ATP13A4: variants seen among roughly 807,000 people sequenced by gnomAD.
ATP13A4 encodes the protein probable cation-transporting ATPase 13A4.
ATP13A4 carries 114 observed loss-of-function variants against 142.5 expected under a neutral mutation model. That is an observed-to-expected ratio of 0.80 (90% CI 0.69 to 0.93). ATP13A4 has a LOEUF of 0.93. Ranked by LOEUF, ATP13A4 falls within the 40% of genes least tolerant of loss-of-function variation. The pLI is 0.00. For synonymous variants in ATP13A4, 488 were observed against 514.8 expected (o/e 0.95, Z 0.70); for missense variants, 1,392 against 1,454.0 (o/e 0.96, Z 0.69).
intron 25 of ATP13A4, among the ~76,000 whole-genome samples, chr3:193,429,876 G>A (rs1452414741): frequency 6.6e-6 from 1 of 151,890 alleles, no homozygotes; most frequent in Non-Finnish European, 1.5e-5. Context: ...AAAAAGACTG[G>A]ACAGAAATAC....
rs1458604097 is a variant in ATP13A4 at position 193,399,878 on chromosome 3, A to G, written c.*2774T>C. Among the ~76,000 whole-genome samples the G allele has an allele frequency of 6.6e-6, 1 of 150,564 alleles. No individual in the cohort carries two copies. Among genetic ancestry groups the G allele is most frequent in the Admixed American group, 6.6e-5 (1 of 15,118 alleles). On this transcript the variant is annotated 3_prime_UTR_variant, in exon 30 of 30. Coordinates refer to ENST00000342695, the MANE Select transcript of ATP13A4 (RefSeq NM_032279.4). ...AAAAAAAAAAAAAAAGGTTCACATCACAGCATAAGACTGAGACACTGGGTG... is the reference window on the plus strand; with the variant it reads ...AAAAAAAAAAAAAAAGGTTCACATCGCAGCATAAGACTGAGACACTGGGTG...
intron 12 of ATP13A4, among the ~76,000 whole-genome samples, chr3:193,463,726 C>T (rs1196300953): frequency 6.6e-6 from 1 of 152,126 alleles, no homozygotes; most frequent in Non-Finnish European, 1.5e-5. Context: ...TCTCCCACTC[C>T]TGTTTCTTTT....
At chr3:193,458,859 C>G (rs1319511764) in intron 14 of ATP13A4, 1 of 636,550 alleles carries the variant, frequency 1.6e-6, no homozygotes, top group Non-Finnish European at 2.8e-6. Context: ...GATTTTCTTA[C>G]TGCATCATCT....
At chr3:193,500,576 T>A (rs1279609803) in intron 3 of ATP13A4, among the ~76,000 whole-genome samples, 2 of 152,108 alleles carry the variant, frequency 1.3e-5, no homozygotes, top group African/African-American at 4.8e-5. Context: ...CATGCGCAGT[T>A]CACAATATTA....
chr3:193,455,340 C>CAAAA (rs71179306), intron 16 of ATP13A4, among the ~76,000 whole-genome samples: 20 of 75,544 alleles, frequency 2.6e-4, no homozygotes, highest in South Asian at 4.7e-4. Context: ...GACTCCGTCT[C>CAAAA]AAAAAAAAAA....
In ATP13A4 at chr3:193,440,525, A is replaced by G. The variant is rs764079065; in HGVS notation, c.2519+33T>C. The G allele has an allele frequency of 2.5e-6, 4 of 1,613,288 alleles. No individual in the cohort carries two copies. In the East Asian group the frequency reaches 8.9e-5, roughly 36 times the overall value. On this transcript the variant is annotated intron_variant, in intron 21 of 29. Coordinates refer to ENST00000342695, the MANE Select transcript of ATP13A4 (RefSeq NM_032279.4). ...CCCCCTGACTGTTATGCCTCCATGC[A>G]GTTCATGCCACCTGCACTGGCAAAG...
intron 8 of ATP13A4, among the ~76,000 whole-genome samples, chr3:193,481,968 TGGAAACCCAAAG>T (rs1719320729): frequency 6.6e-6 from 1 of 152,196 alleles, no homozygotes; most frequent in South Asian, 2.1e-4. Context: ...AAAAGTCATA[TGGAAACCCAAAG>T]GGCTCAATAG....
rs1714202019 is a variant in ATP13A4, at chr3:193,399,700, T to C, written c.*2952A>G. ...CATCTCTACTAAAAATACAAAAAAT[T>C]AGCCGGGCATGGTGGCAGACCTGTA... On this transcript the variant is annotated 3_prime_UTR_variant, in exon 30 of 30. Transcript: ENST00000342695. Among the ~76,000 whole-genome samples, 1 of 151,826 alleles carries C rather than the reference T, an allele frequency of 6.6e-6. No individual in the cohort carries two copies. Among genetic ancestry groups the C allele is most frequent in the Non-Finnish European group, 1.5e-5 (1 of 67,940 alleles).
At chr3:193,540,239 T>C (rs1019697831) in intron 1 of ATP13A4, among the ~76,000 whole-genome samples, 1 of 152,042 alleles carries the variant, frequency 6.6e-6, no homozygotes, top group Admixed American at 6.6e-5. Flanking sequence ...TTGGTCATAA[T>C]TGATCCTTTA....
intron 1 of ATP13A4, among the ~76,000 whole-genome samples, chr3:193,521,367 A>T (rs1345183818): frequency 2.0e-5 from 3 of 152,210 alleles, no homozygotes; most frequent in African/African-American, 7.2e-5. Context: ...CTTGGAGAGA[A>T]TTGGTAGAAT....
At chr3:193,462,741 C>A (rs1244878625) in intron 13 of ATP13A4, 21 bp downstream of exon 13, 4 of 1,607,380 alleles carry the variant, frequency 2.5e-6, no homozygotes, top group Non-Finnish European at 3.4e-6. Flanking sequence ...TGCATTTAGT[C>A]CAAGAGTCCA....
intron 25 of ATP13A4, 125 bp from the exon 26 acceptor site, chr3:193,414,875 TGA>T: frequency 2.2e-6 from 2 of 910,930 alleles, no homozygotes; most frequent in Non-Finnish European, 3.5e-6. Flanking sequence ...CATCACAAAC[TGA>T]GGGAATAAAA....
chr3:193,485,795 G>A (rs1226214311), intron 7 of ATP13A4, among the ~76,000 whole-genome samples: 1 of 151,946 alleles, frequency 6.6e-6, no homozygotes, highest in Non-Finnish European at 1.5e-5. Context: ...CACCATGTGA[G>A]GATGCAATAG....
chr3:193,492,605 G>C (rs1720002963), intron 5 of ATP13A4, among the ~76,000 whole-genome samples: 1 of 152,098 alleles, frequency 6.6e-6, no homozygotes, highest in South Asian at 2.1e-4. Context: ...CTGCAGTCAG[G>C]AGTGTGGGAC....
At chr3:193,414,431 G>T (rs1207330355) in intron 26 of ATP13A4, 148 bp downstream of exon 26, 1 of 765,776 alleles carries the variant, frequency 1.3e-6, no homozygotes, top group Admixed American at 2.1e-5. Flanking sequence ...CTACAGAGAA[G>T]AAATAATCAC....
At chr3:193,559,244 G>A (rs948956801), upstream of ATP13A4, among the ~76,000 whole-genome samples, 4 of 152,148 alleles carry the variant, frequency 2.6e-5, no homozygotes, top group African/African-American at 4.8e-5. Context: ...GAAAGCTGTA[G>A]GAACTGAGTC....
chr3:193,471,240 A>G (rs557874633), intron 8 of ATP13A4, among the ~76,000 whole-genome samples: 65 of 152,322 alleles, frequency 4.3e-4, no homozygotes, highest in African/African-American at 1.5e-3. Context: ...ATTCAGAAGC[A>G]AATTTGAAAC....
chr3:193,404,908 A>G (rs150261631), intron 29 of ATP13A4, among the ~76,000 whole-genome samples: 2,437 of 152,312 alleles, frequency 0.016, 42 homozygotes, highest in Middle Eastern at 0.024. Context: ...CAAATAACTC[A>G]TACATACAAG....
intron 18 of ATP13A4, among the ~76,000 whole-genome samples, chr3:193,442,962 C>G (rs1257722046): frequency 1.3e-5 from 2 of 152,060 alleles, no homozygotes; most frequent in Non-Finnish European, 2.9e-5. Flanking sequence ...AAACTCTGAA[C>G]AAAAACCAAG....
Sources: allele counts gnomAD v4.1 joint callset (sites outside exome capture counted in the v4.1 genomes callset), GRCh38; gene constraint gnomAD v4.1.1; transcripts MANE v1.5; gene names NCBI Gene and HGNC (gene_info 2026-07-23, HGNC 2026-07-21).